The following ANKRD11 variants were observed in gnomAD, a reference collection of about 807,000 sequenced individuals.
ANKRD11 encodes ankyrin repeat domain 11.
Under a neutral mutation model 195.7 loss-of-function variants are expected in ANKRD11, and 17 were observed. The observed-to-expected ratio is 0.09, with a 90% CI of 0.06 to 0.13. The LOEUF is 0.13. ANKRD11 is among the 10% of genes least tolerant of loss of function. The probability of loss-of-function intolerance (pLI) is 1.00; values close to 1 mark genes in which losing one functional copy is unlikely to be tolerated. For synonymous variants in ANKRD11, 1,953 were observed against 1,528.1 expected, an observed-to-expected ratio of 1.28 and a Z score of -6.49; for missense variants, 3,735 against 3,566.1, an observed-to-expected ratio of 1.05 and a Z score of -1.21.
intron 4 of ANKRD11, chr16:89,298,116 G>C (rs1210932466): frequency 2.0e-5 from 3 of 152,268 alleles, no homozygotes; most frequent in Admixed American, 1.3e-4. Flanking sequence ...AGGGTGGGAA[G>C]GAGCAGGGCC....
chr16:89,319,785 AG>A (rs1485612323), intron 2 of ANKRD11, among the ~76,000 whole-genome samples: 1 of 152,246 alleles, frequency 6.6e-6, no homozygotes, highest in Non-Finnish European at 1.5e-5. Flanking sequence ...CCAGGCGTGC[AG>A]CACGCGGCCC....
chr16:89,348,765 T>C (rs898450607), intron 2 of ANKRD11, among the ~76,000 whole-genome samples: 3 of 152,074 alleles, frequency 2.0e-5, no homozygotes, highest in Non-Finnish European at 4.4e-5. Flanking sequence ...GTACTTTGAA[T>C]GGCTATAAGA....
intron 2 of ANKRD11, among the ~76,000 whole-genome samples, chr16:89,417,909 C>T (rs2042371005): frequency 2.0e-5 from 3 of 152,194 alleles, no homozygotes; most frequent in South Asian, 4.1e-4. Flanking sequence ...ACTGTTAACA[C>T]AACATGCTCA....
intron 1 of ANKRD11, among the ~76,000 whole-genome samples, chr16:89,436,049 T>C (rs766615653): frequency 1.5e-4 from 23 of 152,196 alleles, no homozygotes; most frequent in Non-Finnish European, 3.2e-4. Flanking sequence ...TCCAACAATA[T>C]GACTGCAGAC....
At chr16:89,317,112 C>T in intron 2 of ANKRD11, 34 bp from the exon 3 acceptor site, 1 of 1,391,400 alleles carries the variant, frequency 7.2e-7, no homozygotes, top group Non-Finnish European at 9.9e-7. Context: ...TCACTGAATT[C>T]AGAGGCAGCT....
chr16:89,419,222 T>C (rs1320827626), intron 1 of ANKRD11, among the ~76,000 whole-genome samples: 4 of 151,038 alleles, frequency 2.6e-5, no homozygotes. Flanking sequence ...GAGGCCGAGG[T>C]GGGCGGATCA....
At chr16:89,287,231 C>T (rs2034709877) in intron 7 of ANKRD11, 1 of 564,984 alleles carries the variant, frequency 1.8e-6, no homozygotes, top group African/African-American at 2.0e-5. Context: ...TGCGGCCCTC[C>T]TCGGGTTCTA....
intron 2 of ANKRD11, among the ~76,000 whole-genome samples, chr16:89,359,195 C>T (rs1178870834): frequency 2.6e-5 from 4 of 152,230 alleles, no homozygotes; most frequent in South Asian, 2.1e-4. Flanking sequence ...CACGGAAATG[C>T]GATCTGTCCC....
At chr16:89,355,246 C>T (rs2039416374) in intron 2 of ANKRD11, among the ~76,000 whole-genome samples, 1 of 150,280 alleles carries the variant, frequency 6.7e-6, no homozygotes, top group African/African-American at 2.5e-5. Flanking sequence ...GGAGGGCTCA[C>T]ACCCTGAGGC....
intron 1 of ANKRD11, among the ~76,000 whole-genome samples, chr16:89,424,998 C>T (rs555278933): frequency 7.9e-5 from 12 of 151,762 alleles, no homozygotes; most frequent in African/African-American, 2.9e-4. Context: ...AATGTGTTAC[C>T]ATTCGAAGAG....
At chr16:89,437,259 G>GATGCTAAT (rs1224455444) in intron 1 of ANKRD11, among the ~76,000 whole-genome samples, 1 of 152,164 alleles carries the variant, frequency 6.6e-6, no homozygotes, top group Non-Finnish European at 1.5e-5. Flanking sequence ...AACCAAGCAT[G>GATGCTAAT]ATGCTAATAT....
intron 2 of ANKRD11, among the ~76,000 whole-genome samples, chr16:89,374,330 G>A (rs990853789): frequency 6.7e-6 from 1 of 148,514 alleles, no homozygotes; most frequent in Non-Finnish European, 1.5e-5. Flanking sequence ...CTCACCATGT[G>A]TTTTTGTAAA....
chr16:89,409,878 C>T (rs921907596), intron 2 of ANKRD11, among the ~76,000 whole-genome samples: 1 of 144,958 alleles, frequency 6.9e-6, no homozygotes, highest in African/African-American at 2.9e-5. Flanking sequence ...CTCGCTCTGT[C>T]GCCCAGGCTG....
chr16:89,332,325 G>A (rs1385196314), intron 2 of ANKRD11, among the ~76,000 whole-genome samples: 1 of 152,194 alleles, frequency 6.6e-6, no homozygotes, highest in Non-Finnish European at 1.5e-5. Flanking sequence ...GCTCCGTGAA[G>A]TCCTGGGATG....
At chr16:89,429,900 G>A (rs1379464035) in intron 1 of ANKRD11, among the ~76,000 whole-genome samples, 35 of 46,060 alleles carry the variant, frequency 7.6e-4, no homozygotes, top group Admixed American at 1.8e-3. Context: ...CTCAACTCTC[G>A]CGCTCAGACG....
chr16:89,323,234 A>T, intron 2 of ANKRD11: 1 of 1,180,502 alleles, frequency 8.5e-7, no homozygotes, highest in Non-Finnish European at 1.1e-6. Context: ...AAAAAAGAAA[A>T]AAGGAGAAAA....
intron 2 of ANKRD11, among the ~76,000 whole-genome samples, chr16:89,397,381 C>T (rs1482529159): frequency 6.6e-6 from 1 of 152,240 alleles, no homozygotes. Context: ...TGAGTTTTCT[C>T]AAAGAAGCTG....
intron 4 of ANKRD11, among the ~76,000 whole-genome samples, chr16:89,293,854 G>A (rs1011169262): frequency 1.3e-5 from 2 of 152,078 alleles, no homozygotes; most frequent in South Asian, 2.1e-4. Context: ...CCTAGGAGGC[G>A]TGTGTCAGAG....
chr16:89,281,408 A>C lies in ANKRD11; in HGVS notation c.5134T>G (p.Cys1712Gly), dbSNP rs778242103. The C allele has an allele frequency of 5.0e-6, 8 of 1,609,830 alleles. No individual in the cohort carries two copies. In the East Asian group the frequency reaches 1.6e-4, roughly 31 times the overall value. ...TGCATCACCTCCTCGTAGCTGGGGCAGGATAGCACCGACGTAGGGGTGGGC... is the reference window on the plus strand; with the variant it reads ...TGCATCACCTCCTCGTAGCTGGGGCCGGATAGCACCGACGTAGGGGTGGGC... ...GVPTPTSVLS[C>G]PSYEEVMHTP... The change falls in exon 9 of 13, where the codon TGC becomes GGC. Residue 1712 changes from cysteine to glycine, a missense_variant. Coordinates refer to ENST00000301030, the MANE Select transcript of ANKRD11 (RefSeq NM_013275.6). This position sits in a 1 kb window ranked among gnomAD's most constrained non-coding sequence, Gnocchi z 5.5.
Sources: gnomAD v4.1 joint callset for allele counts (sites outside exome capture counted in the v4.1 genomes callset) on GRCh38, gnomAD v4.1.1 for gene constraint, Gnocchi (gnomAD v3.1) non-coding constraint, MANE v1.5 for transcripts, NCBI Gene and HGNC (gene_info 2026-07-23, HGNC 2026-07-21) for gene names.